The following CLSTN2 variants were observed in gnomAD, a reference collection of about 807,000 sequenced individuals.
CLSTN2 encodes calsyntenin-2.
A neutral mutation model predicts 101.2 loss-of-function variants in CLSTN2; 48 were observed. The ratio of observed to expected loss-of-function variants is 0.47; its 90% CI spans 0.38 to 0.60. CLSTN2 has a LOEUF of 0.60. CLSTN2 is among the 20% of genes least tolerant of loss of function. The pLI, the probability that CLSTN2 is intolerant of heterozygous loss-of-function variation, is 0.00. For synonymous variants in CLSTN2, 481 were observed against 463.6 expected, an observed-to-expected ratio of 1.04 and a Z score of -0.48; for missense variants, 1,160 against 1,238.2, an observed-to-expected ratio of 0.94 and a Z score of 0.95.
intron 2 of CLSTN2, among the ~76,000 whole-genome samples, chr3:140,286,055 G>A (rs980867182): frequency 2.0e-5 from 3 of 152,126 alleles, no homozygotes; most frequent in African/African-American, 7.2e-5. Context: ...TCTAAGATGA[G>A]CTACTTCACT....
intron 1 of CLSTN2, among the ~76,000 whole-genome samples, chr3:140,148,748 T>A (rs963905063): frequency 6.6e-6 from 1 of 152,210 alleles, no homozygotes; most frequent in African/African-American, 2.4e-5. Context: ...AACATTTTTA[T>A]TGTCGATATG....
chr3:140,517,762 GC>G lies in CLSTN2; in HGVS notation c.1345-14561del, dbSNP rs1246119214. 1.9e-3 allele frequency among the ~76,000 whole-genome samples: 294 copies of G among 152,238 alleles called. 2 individuals are homozygous for G. Among genetic ancestry groups the G allele is most frequent in the African/African-American group, 5.6e-3 (233 of 41,540 alleles). Reference sequence around the variant, plus strand: ...GACTCTGTTAGGATCTTTGGTTGTGGCTTTGTTTATTGTACTAATTTTGTGT... The same window carrying G: ...GACTCTGTTAGGATCTTTGGTTGTGGTTTGTTTATTGTACTAATTTTGTGT... On this transcript the variant is annotated intron_variant, in intron 8 of 16. Transcript: ENST00000458420.
intron 2 of CLSTN2, among the ~76,000 whole-genome samples, chr3:140,334,999 G>T (rs1576520327): frequency 6.6e-6 from 1 of 152,208 alleles, no homozygotes; most frequent in Non-Finnish European, 1.5e-5. Flanking sequence ...AGTCCAGGAG[G>T]GTATAAATCT....
At chr3:140,397,957 T>G (rs1487593004) in intron 2 of CLSTN2, among the ~76,000 whole-genome samples, 1 of 55,056 alleles carries the variant, frequency 1.8e-5, no homozygotes, top group Non-Finnish European at 5.7e-5. Context: ...TTAATATCAC[T>G]ACCCATCTTA....
intron 1 of CLSTN2, among the ~76,000 whole-genome samples, chr3:140,025,933 A>G (rs1240978772): frequency 6.6e-6 from 1 of 152,092 alleles, no homozygotes; most frequent in Admixed American, 6.6e-5. Context: ...GCGCATGTGG[A>G]GTCAAGGGCT....
chr3:140,311,472 ATTTT>A (rs1241981397), intron 2 of CLSTN2, among the ~76,000 whole-genome samples: 1 of 129,696 alleles, frequency 7.7e-6, no homozygotes, highest in Non-Finnish European at 1.6e-5. Context: ...TGCCTGGCTA[ATTTT>A]TTTTTTTTTT....
intron 1 of CLSTN2, among the ~76,000 whole-genome samples, chr3:140,063,161 T>C (rs1198456145): frequency 6.6e-6 from 1 of 152,160 alleles, no homozygotes; most frequent in Non-Finnish European, 1.5e-5. Context: ...ATGTTCTAGA[T>C]CCACAGCTAG....
intron 1 of CLSTN2, among the ~76,000 whole-genome samples, chr3:140,032,249 T>C (rs2007568351): frequency 6.6e-6 from 1 of 152,182 alleles, no homozygotes; most frequent in Non-Finnish European, 1.5e-5. Context: ...TTTTTTTTTT[T>C]TTGAGTCTGC....
At chr3:140,307,578 G>A (rs945210345) in intron 2 of CLSTN2, among the ~76,000 whole-genome samples, 3 of 152,230 alleles carry the variant, frequency 2.0e-5, no homozygotes, top group Admixed American at 6.5e-5. Flanking sequence ...TTTGGAGGCG[G>A]TACTTAGTCA....
chr3:140,209,815 A>C (rs1459204589), intron 2 of CLSTN2, among the ~76,000 whole-genome samples: 1 of 152,178 alleles, frequency 6.6e-6, no homozygotes, highest in South Asian at 2.1e-4. Context: ...AGGTGGTGAC[A>C]GAAGAGGGCT....
intron 1 of CLSTN2, among the ~76,000 whole-genome samples, chr3:140,156,041 C>T (rs1444321855): frequency 2.6e-5 from 4 of 152,152 alleles, no homozygotes; most frequent in African/African-American, 9.7e-5. Flanking sequence ...CCTTCTTCAG[C>T]GTTGTTACTT....
At chr3:140,094,895 A>G (rs1038471168) in intron 1 of CLSTN2, among the ~76,000 whole-genome samples, 5 of 152,238 alleles carry the variant, frequency 3.3e-5, no homozygotes, top group Admixed American at 2.0e-4. Flanking sequence ...AAATTACGTT[A>G]TAATACGTCA....
chr3:140,378,736 G>A (rs934825537), intron 2 of CLSTN2, among the ~76,000 whole-genome samples: 9 of 152,140 alleles, frequency 5.9e-5, no homozygotes, highest in South Asian at 2.1e-4. Flanking sequence ...GGTGACTTAC[G>A]GGCTGTGTGG....
At chr3:140,198,581 G>C (rs759044013) in intron 2 of CLSTN2, among the ~76,000 whole-genome samples, 1 of 152,088 alleles carries the variant, frequency 6.6e-6, no homozygotes, top group Non-Finnish European at 1.5e-5. Context: ...GCTCCTAAAA[G>C]GTTTTGGAAA....
chr3:140,478,659 G>A (rs931925093), intron 8 of CLSTN2, among the ~76,000 whole-genome samples: 4 of 152,076 alleles, frequency 2.6e-5, no homozygotes, highest in Admixed American at 6.6e-5. Flanking sequence ...TTGCAGTGAT[G>A]GTTGCACAAC....
At chr3:140,194,445 G>C (rs1241122963) in intron 2 of CLSTN2, among the ~76,000 whole-genome samples, 2 of 150,828 alleles carry the variant, frequency 1.3e-5, no homozygotes, top group African/African-American at 5.0e-5. Flanking sequence ...ATGAGGAAAT[G>C]GGGGGACATA....
At chr3:140,066,843 C>G (rs2008307312) in intron 1 of CLSTN2, among the ~76,000 whole-genome samples, 1 of 152,190 alleles carries the variant, frequency 6.6e-6, no homozygotes, top group South Asian at 2.1e-4. Context: ...CTGTGCATCA[C>G]TATTCTTGTT....
chr3:140,565,059 A>G (rs1184444918), intron 16 of CLSTN2, among the ~76,000 whole-genome samples: 1 of 152,230 alleles, frequency 6.6e-6, no homozygotes, highest in African/African-American at 2.4e-5. Flanking sequence ...GCTCAGTGCT[A>G]TACAGACTCC....
intron 1 of CLSTN2, among the ~76,000 whole-genome samples, chr3:140,104,858 G>A (rs1305986725): frequency 6.6e-6 from 1 of 152,178 alleles, no homozygotes; most frequent in East Asian, 1.9e-4. Context: ...CATGACTGTA[G>A]TCCCAGCTAT....
Sources: gnomAD v4.1 joint callset for allele counts (sites outside exome capture counted in the v4.1 genomes callset) on GRCh38, gnomAD v4.1.1 for gene constraint, MANE v1.5 for transcripts, NCBI Gene and HGNC (gene_info 2026-07-23, HGNC 2026-07-21) for gene names.